Variants in KAT2B observed in about 807,000 individuals in gnomAD.
KAT2B encodes the protein lysine acetyltransferase 2B.
A neutral mutation model predicts 105.9 loss-of-function variants in KAT2B; 36 were observed. The observed-to-expected ratio is 0.34, with a 90% CI of 0.26 to 0.45. The LOEUF is 0.45. KAT2B is among the 20% of genes least tolerant of loss of function. The probability of loss-of-function intolerance (pLI) is 1.00; values close to 1 mark genes in which losing one functional copy is unlikely to be tolerated. For missense variants in KAT2B, 820 were observed against 1,021.6 expected, an observed-to-expected ratio of 0.80 and a Z score of 2.69; for synonymous variants, 397 against 377.9, an observed-to-expected ratio of 1.05 and a Z score of -0.59.
intron 1 of KAT2B, among the ~76,000 whole-genome samples, chr3:20,069,793 T>C (rs1698287112): frequency 6.6e-6 from 1 of 152,148 alleles, no homozygotes; most frequent in South Asian, 2.1e-4. Flanking sequence ...CCTCCCAAAG[T>C]GCTGGAATAA....
At chr3:20,078,350 ATATTT>A (rs781769207) in intron 2 of KAT2B, among the ~76,000 whole-genome samples, 3 of 151,970 alleles carry the variant, frequency 2.0e-5, no homozygotes, top group Admixed American at 1.3e-4. Flanking sequence ...TCTAGTAATA[ATATTT>A]TAGTTTAGAG....
At chr3:20,148,204 C>T (rs1392610986) in intron 15 of KAT2B, 39 bp from the exon 16 acceptor site, 3 of 1,565,416 alleles carry the variant, frequency 1.9e-6, no homozygotes, top group Admixed American at 1.7e-5. Flanking sequence ...TAGGGTAAAA[C>T]TCTAATCATT....
chr3:20,125,450 G>A (rs1404505686), intron 9 of KAT2B, among the ~76,000 whole-genome samples: 1 of 152,170 alleles, frequency 6.6e-6, no homozygotes, highest in East Asian at 1.9e-4. Context: ...ATAACCCACA[G>A]GCCACATTTT....
In KAT2B at chr3:20,048,126, G is replaced by A. The variant is rs79972869; in HGVS notation, c.303+7346G>A. 1.9e-3 allele frequency among the ~76,000 whole-genome samples: 293 copies of A among 152,270 alleles called. 1 individual carries two copies. Among genetic ancestry groups the A allele is most frequent in the African/African-American group, 6.6e-3 (275 of 41,560 alleles). On this transcript the variant is annotated intron_variant, in intron 1 of 17. Transcript: ENST00000263754. ...ATTGCATACAATTGTATCCTGTGGT[G>A]ACTTCTCTAAAATGCGGTAAGTGTC...
intron 13 of KAT2B, among the ~76,000 whole-genome samples, chr3:20,145,554 G>GTTTTTTTTTTTTT (rs550166293): frequency 9.3e-4 from 86 of 92,050 alleles, no homozygotes; most frequent in Non-Finnish European, 1.3e-3. Context: ...GATTTTTTTA[G>GTTTTTTTTTTTTT]TTTTTTTTTT....
Position 20,122,765 on chromosome 3 carries a change from G to A in KAT2B, c.1374G>A (p.Met458Ile). Reference protein sequence around the residue: ...DIPMELINEVMSTITDPAAML... With the variant: ...DIPMELINEVISTITDPAAML... ...CGATGGAATTAATCAACGAGGTTAT[G>A]TCTACCATCACGGACCCTGCAGCAA... is the stretch of plus-strand genomic sequence containing the variant. The change falls in exon 9 of 18, where the codon ATG becomes ATA. Residue 458 changes from methionine to isoleucine, a missense_variant. Coordinates refer to ENST00000263754, the MANE Select transcript of KAT2B (RefSeq NM_003884.5). 1 of 1,614,116 alleles carries A rather than the reference G, an allele frequency of 6.2e-7. No homozygotes were observed.
chr3:20,146,298 C>A lies in KAT2B; in HGVS notation c.2005-18C>A, dbSNP rs766266744. 7.1e-7 allele frequency: 1 copy of A among 1,409,202 alleles called. No homozygotes were observed. Among genetic ancestry groups the A allele is most frequent in the Non-Finnish European group, 1.0e-6 (1 of 994,720 alleles). 87.3% of individuals were successfully genotyped at this position (1,409,202 alleles called of 1,614,324 possible). A position where few individuals can be genotyped will look rare whatever the true frequency, so the allele number is the denominator to read the frequency against. On this transcript the variant is annotated intron_variant, in intron 13 of 17. Coordinates refer to ENST00000263754, the MANE Select transcript of KAT2B (RefSeq NM_003884.5). ...TAGACTTCTTTCCCTAAACACATTT[C>A]CTTCCTGTGCTTTACAGATAATTAA...
rs145111357 is a variant in KAT2B at position 20,090,902 on chromosome 3, C to A, written c.431-4361C>A. Among the ~76,000 whole-genome samples the A allele has an allele frequency of 9.9e-3, 1,505 of 151,900 alleles. 26 individuals are homozygous for A. Among genetic ancestry groups the A allele is most frequent in the African/African-American group, 0.031 (1,304 of 41,450 alleles). On this transcript the variant is annotated intron_variant, in intron 2 of 17. Transcript: ENST00000263754. ...CTACAGGCATGTGACACCACACCTGCCTAATTTTTATTTATTTATTTTTAT... is the reference window on the plus strand; with the variant it reads ...CTACAGGCATGTGACACCACACCTGACTAATTTTTATTTATTTATTTTTAT...
chr3:20,082,467 T>C (rs1419172757), intron 2 of KAT2B, among the ~76,000 whole-genome samples: 1 of 152,226 alleles, frequency 6.6e-6, no homozygotes, highest in African/African-American at 2.4e-5. Context: ...TATAACATAT[T>C]TTCCTTTCCA....
At chr3:20,115,090 G>T in intron 7 of KAT2B, 102 bp downstream of exon 7, 1 of 709,912 alleles carries the variant, frequency 1.4e-6, no homozygotes, top group South Asian at 1.7e-5. Context: ...AGTCAAATGA[G>T]CTTAGCTCTA....
chr3:20,133,774 C>T (rs1699551960), intron 11 of KAT2B, among the ~76,000 whole-genome samples: 2 of 152,184 alleles, frequency 1.3e-5, no homozygotes, highest in Admixed American at 1.3e-4. Flanking sequence ...AATAGTTCCC[C>T]CTACCATTGC....
At chr3:20,128,987 A>G (rs1369609783) in intron 11 of KAT2B, among the ~76,000 whole-genome samples, 4 of 139,802 alleles carry the variant, frequency 2.9e-5, no homozygotes, top group Non-Finnish European at 3.1e-5. Flanking sequence ...AGCCTGGGCA[A>G]TGAGAGCGAA....
Position 20,101,484 on chromosome 3 carries a change from T to C in KAT2B, c.851+16T>C, listed in dbSNP as rs778040097. 9.9e-6 allele frequency: 16 copies of C among 1,610,428 alleles called. No homozygotes were observed. The African/African-American group carries it at 2.0e-4, about 20-fold the overall frequency. On this transcript the variant is annotated intron_variant, in intron 5 of 17. Transcript: ENST00000263754. ...ACTACACAAGGTAATCAGATGCAAG[T>C]TCTTTTCCTTTGGCCCCATAAAGCC...
rs2125203527 is a variant in KAT2B at position 20,152,804 on chromosome 3, A to G, written c.*279A>G. On this transcript the variant is annotated 3_prime_UTR_variant, in exon 18 of 18. Transcript: ENST00000263754. ...TCCATTAGCTATTTCATGATAGATG[A>G]TTAGGGGTTTCCTCAAAACCTGTGT... is the stretch of plus-strand genomic sequence containing the variant. 4.9e-6 allele frequency: 1 copy of G among 205,180 alleles called. No homozygotes were observed. The allele number at this position is 205,180 out of a possible 1,614,324, so 12.7% of individuals were successfully genotyped here.
rs572406367 is a variant in KAT2B, at chr3:20,105,710, T to C, written c.851+4242T>C. Among the ~76,000 whole-genome samples, 4 of 151,480 alleles carry C rather than the reference T, an allele frequency of 2.6e-5. No homozygotes were observed. The South Asian group carries it at 8.3e-4, about 32-fold the overall frequency. On this transcript the variant is annotated intron_variant, in intron 5 of 17. Transcript: ENST00000263754. ...GACTCTGGAGGTTGAGGTGGGAGGA[T>C]TGCTTGAGCCCGGGAGGTCAAGGCT...
intron 1 of KAT2B, among the ~76,000 whole-genome samples, chr3:20,041,085 C>G (rs1178392331): frequency 6.6e-6 from 1 of 152,102 alleles, no homozygotes; most frequent in Non-Finnish European, 1.5e-5. Context: ...TCTGTAGGAG[C>G]TCGCTGGAGT....
intron 13 of KAT2B, among the ~76,000 whole-genome samples, chr3:20,145,058 A>G (rs191122516): frequency 6.6e-5 from 10 of 152,224 alleles, no homozygotes; most frequent in Admixed American, 4.6e-4. Flanking sequence ...CGGCCTCCCA[A>G]AGTGCTGGGA....
chr3:20,063,870 C>T (rs904953383), intron 1 of KAT2B, among the ~76,000 whole-genome samples: 1 of 151,984 alleles, frequency 6.6e-6, no homozygotes, highest in Non-Finnish European at 1.5e-5. Flanking sequence ...TGAAGTCTTT[C>T]ATCTATTTTG....
chr3:20,133,832 C>CA (rs1405327917), intron 11 of KAT2B, among the ~76,000 whole-genome samples: 2 of 152,124 alleles, frequency 1.3e-5, no homozygotes, highest in African/African-American at 4.8e-5. Flanking sequence ...CCGTCAAGTG[C>CA]AATATTTCAT....
Sources: gnomAD v4.1 joint callset for allele counts (sites outside exome capture counted in the v4.1 genomes callset) on GRCh38, gnomAD v4.1.1 for gene constraint, MANE v1.5 for transcripts, NCBI Gene and HGNC (gene_info 2026-07-23, HGNC 2026-07-21) for gene names.